Variants in TOX2 observed in about 807,000 individuals in gnomAD.
TOX2 encodes TOX high mobility group box family member 2.
In TOX2, 15 loss-of-function variants were observed where a neutral mutation model predicts 47.4. The observed-to-expected ratio is 0.32, with a 90% confidence interval of 0.21 to 0.49. The LOEUF (loss-of-function observed/expected upper bound fraction) is 0.49, where lower values mean the gene tolerates loss of function less well. Among genes scored for constraint, TOX2 ranks in the 20% least tolerant of loss-of-function variants. The pLI is 0.99. For missense variants in TOX2, 622 were observed against 673.1 expected (o/e 0.92, Z 0.84); for synonymous variants, 290 against 296.6 (o/e 0.98, Z 0.23).
At position 44,066,703 on chromosome 20, in the gene TOX2, C is replaced by T. The variant is rs769461667; in HGVS notation, c.1357-27C>T. ...TCTGCCCCCTCATCTCTCCTTGGCT[C>T]ATGGCCTCCTCCTTCCCACTCTGTA... On this transcript the variant is annotated intron_variant, in intron 7 of 8. Transcript: ENST00000341197. 5.0e-6 allele frequency: 8 copies of T among 1,613,998 alleles called. No individual in the cohort carries two copies. In the Admixed American group the frequency reaches 8.3e-5, roughly 17 times the overall value.
At chr20:43,945,988 C>T in intron 1 of TOX2, 3 of 1,614,136 alleles carry the variant, frequency 1.9e-6, no homozygotes, top group Non-Finnish European at 2.5e-6. Context: ...GAGACTCGGG[C>T]TCCTTCTACT....
chr20:43,953,359 A>G (rs992198359), intron 1 of TOX2, among the ~76,000 whole-genome samples: 5 of 152,212 alleles, frequency 3.3e-5, no homozygotes, highest in African/African-American at 1.2e-4. Flanking sequence ...CTGCTCAGAC[A>G]GAACTGACCC....
At chr20:44,032,148 G>T (rs2071164888) in intron 3 of TOX2, among the ~76,000 whole-genome samples, 1 of 152,122 alleles carries the variant, frequency 6.6e-6, no homozygotes, top group Non-Finnish European at 1.5e-5. Context: ...ATAAAACTGT[G>T]GTTTGAAGGA....
At position 44,049,439 on chromosome 20, in the gene TOX2, C is replaced by A. The variant is rs116837427; in HGVS notation, c.412-1867C>A. Among the ~76,000 whole-genome samples the A allele has an allele frequency of 3.2e-3, 484 of 152,172 alleles. 4 individuals are homozygous for A. Among genetic ancestry groups the A allele is most frequent in the African/African-American group, 0.011 (466 of 41,496 alleles). On this transcript the variant is annotated intron_variant, in intron 3 of 8. Transcript: ENST00000341197. ...AATTTTTGTTACTGGAAATTGTAGC[C>A]AAAAGAAAAAGAAAATTAGCCACTT...
chr20:44,069,449 G>A lies in TOX2; in HGVS notation c.*763G>A, dbSNP rs568841855. The A allele has an allele frequency of 1.9e-5, 3 of 154,176 alleles. No individual in the cohort carries two copies. The highest frequency in any genetic ancestry group is 7.2e-5 in the African/African-American group (3 of 41,550). 9.6% of individuals were successfully genotyped at this position (154,176 alleles called of 1,614,324 possible). Reference sequence around the variant, plus strand: ...TTTTGTCTATTTATGAAGAAACCTTGAGAACGAAGTTACAGCTTATCCTAC... The same window carrying A: ...TTTTGTCTATTTATGAAGAAACCTTAAGAACGAAGTTACAGCTTATCCTAC... On this transcript the variant is annotated 3_prime_UTR_variant, in exon 9 of 9. Coordinates refer to ENST00000341197, the MANE Select transcript of TOX2 (RefSeq NM_001098797.2).
At chr20:43,958,682 T>C (rs911690388) in intron 1 of TOX2, among the ~76,000 whole-genome samples, 2 of 152,242 alleles carry the variant, frequency 1.3e-5, no homozygotes, top group African/African-American at 4.8e-5. Flanking sequence ...AAGACAGGAA[T>C]GTTCACCGTG....
chr20:44,030,571 T>A (rs2071134163), intron 3 of TOX2, among the ~76,000 whole-genome samples: 1 of 152,194 alleles, frequency 6.6e-6, no homozygotes, highest in Admixed American at 6.5e-5. Context: ...AATCAGGGCC[T>A]TTCCTGATGC....
At chr20:44,059,391 T>A (rs1322218836) in intron 5 of TOX2, among the ~76,000 whole-genome samples, 1 of 152,072 alleles carries the variant, frequency 6.6e-6, no homozygotes, top group African/African-American at 2.4e-5. Context: ...AATCTAAGAA[T>A]CACTGGTGTT....
intron 1 of TOX2, among the ~76,000 whole-genome samples, chr20:43,938,431 C>T (rs1393252365): frequency 2.6e-5 from 4 of 152,106 alleles, no homozygotes; most frequent in African/African-American, 4.8e-5. Flanking sequence ...ATGCTTGTCC[C>T]GGAAAGCACG....
rs1043978229 is a variant in TOX2, at chr20:44,066,078, G to A, written c.1327G>A (p.Ala443Thr). ...PTPMALQVQL[A>T]MSPSPPGPQD... ...CCCCATGGCACTCCAGGTGCAGCTG[G>A]CGATGAGCCCCTCACCTCCAGGGCC... The change falls in exon 7 of 9, where the codon GCG becomes ACG. Residue 443 changes from alanine (A) to threonine (T), a missense_variant. Ala to Thr is a moderately conservative substitution (Grantham distance 58, BLOSUM62 0). Transcript: ENST00000341197. 16 of 1,566,668 alleles carry A rather than the reference G, an allele frequency of 1.0e-5. No individual in the cohort carries two copies. Among genetic ancestry groups the A allele is most frequent in the Non-Finnish European group, 1.4e-5 (16 of 1,156,510 alleles).
chr20:44,053,303 C>G (rs2071548898), intron 4 of TOX2, among the ~76,000 whole-genome samples: 2 of 152,066 alleles, frequency 1.3e-5, no homozygotes, highest in Non-Finnish European at 2.9e-5. Flanking sequence ...AGCCTCGTGC[C>G]CTCCCCACTT....
chr20:43,961,853 T>C (rs944882411), intron 1 of TOX2, among the ~76,000 whole-genome samples: 2 of 151,926 alleles, frequency 1.3e-5, no homozygotes, highest in African/African-American at 4.8e-5. Context: ...GGCCTCAAAG[T>C]CGCGAGCCCA....
chr20:44,048,269 G>A (rs2071444796), intron 3 of TOX2, among the ~76,000 whole-genome samples: 2 of 151,270 alleles, frequency 1.3e-5, no homozygotes, highest in Admixed American at 6.6e-5. Context: ...ATTTTAAAAA[G>A]CAACGTGTAT....
At chr20:44,033,336 G>C (rs988316466) in intron 3 of TOX2, among the ~76,000 whole-genome samples, 1 of 151,970 alleles carries the variant, frequency 6.6e-6, no homozygotes, top group Admixed American at 6.6e-5. Context: ...GGGAAGACTC[G>C]CATGGGGGAG....
At chr20:44,052,043 C>T (rs189697778) in intron 4 of TOX2, among the ~76,000 whole-genome samples, 281 of 152,332 alleles carry the variant, frequency 1.8e-3, no homozygotes, top group Non-Finnish European at 2.4e-3. Context: ...GCAAGGCCAT[C>T]GGGGTCACAT....
At chr20:43,934,141 G>GAC (rs2069292376) in intron 1 of TOX2, among the ~76,000 whole-genome samples, 2 of 148,934 alleles carry the variant, frequency 1.3e-5, no homozygotes, top group South Asian at 4.3e-4. Context: ...GGTAAGGAGA[G>GAC]AGAGAGAGAG....
intron 3 of TOX2, among the ~76,000 whole-genome samples, chr20:44,046,982 AAAATTCTGGGAGTCATGGTCTCTG>A (rs1306108757): frequency 6.6e-6 from 1 of 152,226 alleles, no homozygotes; most frequent in African/African-American, 2.4e-5. Flanking sequence ...CCAAAAAGAT[AAAATTCTGGGAGTCATGGTCTCTG>A]ATCTTGATAA....
At position 43,915,491 on chromosome 20, in the gene TOX2, C is replaced by A. The variant is rs2069045168; in HGVS notation, c.99+501C>A. The stretch of plus-strand genomic sequence containing the variant: ...ACGGGGGACAGTCACACAAAGAAGT[C>A]GCCCGACAGTCACACTCTCGCAGCC... On this transcript the variant is annotated intron_variant, in intron 1 of 8. Coordinates refer to ENST00000341197, the MANE Select transcript of TOX2 (RefSeq NM_001098797.2). This position sits in a 1 kb window ranked among gnomAD's most constrained non-coding sequence, Gnocchi z 7.1. Among the ~76,000 whole-genome samples, 5 of 152,152 alleles carry A rather than the reference C, an allele frequency of 3.3e-5. No individual in the cohort carries two copies. Among genetic ancestry groups the A allele is most frequent in the Admixed American group, 2.6e-4 (4 of 15,278 alleles).
chr20:44,018,247 G>T (rs919580206), intron 3 of TOX2, among the ~76,000 whole-genome samples: 1 of 152,130 alleles, frequency 6.6e-6, no homozygotes, highest in Non-Finnish European at 1.5e-5. Flanking sequence ...GCTGCCCTCT[G>T]GTACCCACCC....
Sources: gnomAD v4.1 joint callset for allele counts (sites outside exome capture counted in the v4.1 genomes callset) on GRCh38, gnomAD v4.1.1 for gene constraint, Gnocchi (gnomAD v3.1) non-coding constraint, MANE v1.5 for transcripts, NCBI Gene and HGNC (gene_info 2026-07-23, HGNC 2026-07-21) for gene names.